Variants in KCNG2 observed in about 807,000 individuals in gnomAD.
The protein encoded by KCNG2 is potassium voltage-gated channel modifier subfamily G member 2.
A neutral mutation model predicts 12.3 loss-of-function variants in KCNG2; 7 were observed. The observed-to-expected ratio is 0.57, with a 90% CI of 0.32 to 1.07. The LOEUF is 1.07. Ranked by LOEUF, KCNG2 falls within the 50% of genes least tolerant of loss-of-function variation. The pLI, the probability that KCNG2 is intolerant of heterozygous loss-of-function variation, is 0.04. For synonymous variants in KCNG2, 414 were observed against 351.4 expected, an observed-to-expected ratio of 1.18 and a Z score of -1.99; for missense variants, 703 against 726.0, an observed-to-expected ratio of 0.97 and a Z score of 0.36.
Position 79,884,764 on chromosome 18 carries a change from G to T in KCNG2, c.625-14276G>T, listed in dbSNP as rs532084220. On this transcript the variant is annotated intron_variant, in intron 3 of 3. Transcript: ENST00000316249. This position sits in a 1 kb window ranked among gnomAD's most constrained non-coding sequence, Gnocchi z 5.5. ...GTCCGCCCGGCTCTGTGTTCCTCGG[G>T]GGGGCTCATCCTGGGGCCCAGGAAC... Among the ~76,000 whole-genome samples the T allele has an allele frequency of 2.1e-4, 32 of 152,344 alleles. No individual in the cohort carries two copies. The Middle Eastern group carries it at 0.014, about 65-fold the overall frequency.
At chr18:79,894,419 T>A (rs79440124) in intron 3 of KCNG2, among the ~76,000 whole-genome samples, 671 of 7,012 alleles carry the variant, frequency 0.096, no homozygotes, top group African/African-American at 0.11. Flanking sequence ...TGCCATTAAT[T>A]ACGATTGATA....
In KCNG2 at chr18:79,800,012, T is replaced by G. The variant is rs937791958; in HGVS notation, c.-115+1998T>G. Among the ~76,000 whole-genome samples, 2 of 152,186 alleles carry G rather than the reference T, an allele frequency of 1.3e-5. No homozygotes were observed. Among genetic ancestry groups the G allele is most frequent in the African/African-American group, 4.8e-5 (2 of 41,442 alleles). ...AATGTCTCGGGAGGATCTGCGCAGC[T>G]TTGTTGTTCTTTTGTCTGATGGTTG... On this transcript the variant is annotated intron_variant, in intron 1 of 3. Coordinates refer to ENST00000316249, the MANE Select transcript of KCNG2 (RefSeq NM_012283.2). This position sits in a 1 kb window ranked among gnomAD's most constrained non-coding sequence, Gnocchi z 4.0.
At chr18:79,870,479 G>A (rs1433542960) in intron 3 of KCNG2, among the ~76,000 whole-genome samples, 1 of 152,166 alleles carries the variant, frequency 6.6e-6, no homozygotes, top group East Asian at 1.9e-4. Context: ...CGTGCCCCCA[G>A]AGCTGCGCGC....
chr18:79,853,818 C>A (rs1266671617), intron 1 of KCNG2, among the ~76,000 whole-genome samples: 1 of 152,240 alleles, frequency 6.6e-6, no homozygotes, highest in African/African-American at 2.4e-5. Context: ...AGATGTGGCT[C>A]CCTCCAGGGC....
intron 1 of KCNG2, among the ~76,000 whole-genome samples, chr18:79,818,192 G>A (rs1459113677): frequency 2.0e-5 from 3 of 152,334 alleles, no homozygotes; most frequent in South Asian, 2.1e-4. Context: ...GAGGCAATGC[G>A]ATCTAATAAG....
At chr18:79,827,939 T>G (rs1393730468) in intron 1 of KCNG2, among the ~76,000 whole-genome samples, 1 of 151,638 alleles carries the variant, frequency 6.6e-6, no homozygotes, top group Non-Finnish European at 1.5e-5. Flanking sequence ...TTTTTTTTTT[T>G]TTGAGATGTA....
At chr18:79,849,049 C>T (rs1359836392) in intron 1 of KCNG2, among the ~76,000 whole-genome samples, 1 of 152,144 alleles carries the variant, frequency 6.6e-6, no homozygotes, top group Non-Finnish European at 1.5e-5. Context: ...CAGGAGAGGC[C>T]TGGGCCCGCG....
Position 79,864,022 on chromosome 18 carries a change from T to C in KCNG2, c.355T>C (p.Cys119Arg). The change falls in exon 3 of 4, where the codon TGC becomes CGC. Residue 119 changes from cysteine to arginine, a missense_variant. Transcript: ENST00000316249. ...GIDEARLERC[C>R]LRRLRRREEE... Reference sequence around the variant, plus strand: ...CGACGAGGCGCGCCTGGAGCGCTGCTGCCTGCGCCGCCTGCGCCGCCGCGA... The same window carrying C: ...CGACGAGGCGCGCCTGGAGCGCTGCCGCCTGCGCCGCCTGCGCCGCCGCGA... 3.4e-6 allele frequency: 4 copies of C among 1,160,444 alleles called. No individual in the cohort carries two copies. The highest frequency in any genetic ancestry group is 8.1e-5 in the East Asian group (2 of 24,686). 71.9% of individuals were successfully genotyped at this position (1,160,444 alleles called of 1,614,324 possible). A position where few individuals can be genotyped will look rare whatever the true frequency, so the allele number is the denominator to read the frequency against.
chr18:79,845,458 A>G (rs1208535132), intron 1 of KCNG2, among the ~76,000 whole-genome samples: 4 of 152,210 alleles, frequency 2.6e-5, no homozygotes, highest in Admixed American at 1.3e-4. Context: ...TTACAACTGC[A>G]TGTGAATCTG....
At chr18:79,880,403 C>G (rs1017464166) in intron 3 of KCNG2, among the ~76,000 whole-genome samples, 1 of 151,238 alleles carries the variant, frequency 6.6e-6, no homozygotes, top group Non-Finnish European at 1.5e-5. Context: ...CCAAAATTCA[C>G]TCAAGAAGAA....
At chr18:79,895,186 C>G (rs1199114705) in intron 3 of KCNG2, among the ~76,000 whole-genome samples, 1 of 150,530 alleles carries the variant, frequency 6.6e-6, no homozygotes, top group Non-Finnish European at 1.5e-5. Flanking sequence ...GGGTTGTTCA[C>G]TCCATTCATA....
chr18:79,885,409 C>T (rs1980486036), intron 3 of KCNG2, among the ~76,000 whole-genome samples: 1 of 152,176 alleles, frequency 6.6e-6, no homozygotes, highest in Admixed American at 6.5e-5. Flanking sequence ...ACGTGCCCGC[C>T]GACCATCCCA....
At position 79,800,762 on chromosome 18, in the gene KCNG2, C is replaced by T. The variant is rs1313658099; in HGVS notation, c.-115+2748C>T. On this transcript the variant is annotated intron_variant, in intron 1 of 3. Transcript: ENST00000316249. This position sits in a 1 kb window ranked among gnomAD's most constrained non-coding sequence, Gnocchi z 4.0. ...CGGCCTGGCGTGTCCTGCGGGCACC[C>T]GCAGGCTCTGCTCACCCACCGGCTG... Among the ~76,000 whole-genome samples, 1 of 152,182 alleles carries T rather than the reference C, an allele frequency of 6.6e-6. No homozygotes were observed. Among genetic ancestry groups the T allele is most frequent in the African/African-American group, 2.4e-5 (1 of 41,442 alleles).
In KCNG2 at chr18:79,822,870, T is replaced by A. The variant is rs1258653556; in HGVS notation, c.-115+24856T>A. On this transcript the variant is annotated intron_variant, in intron 1 of 3. Transcript: ENST00000316249. The surrounding 1 kb of genome is among the most constrained non-coding windows in gnomAD (Gnocchi z 4.4). Reference sequence around the variant, plus strand: ...TTGTCTCCCCACGCTTCCGTGGGGTTGTGGATTCCTTGTGAGGCACCTGGG... The same window carrying A: ...TTGTCTCCCCACGCTTCCGTGGGGTAGTGGATTCCTTGTGAGGCACCTGGG... 1.3e-5 allele frequency among the ~76,000 whole-genome samples: 2 copies of A among 152,192 alleles called. No homozygotes were observed. The highest frequency in any genetic ancestry group is 2.9e-5 in the Non-Finnish European group (2 of 68,028).
chr18:79,897,116 GT>G (rs1333266751), intron 3 of KCNG2, among the ~76,000 whole-genome samples: 1 of 108,056 alleles, frequency 9.3e-6, no homozygotes, highest in Non-Finnish European at 2.1e-5. Context: ...GTAGGTTATT[GT>G]TTTTAAAAAA....
chr18:79,852,642 C>G (rs557600505), intron 1 of KCNG2, among the ~76,000 whole-genome samples: 52 of 152,378 alleles, frequency 3.4e-4, no homozygotes, highest in African/African-American at 8.2e-4. Context: ...GTTGTCCATG[C>G]GGATGGCGGC....
intron 3 of KCNG2, among the ~76,000 whole-genome samples, chr18:79,874,680 C>G (rs1433945912): frequency 6.6e-6 from 1 of 152,224 alleles, no homozygotes; most frequent in African/African-American, 2.4e-5. Context: ...GCTTGGCATG[C>G]TCTGTCCTTG....
At chr18:79,889,913 GT>G (rs1367960986) in intron 3 of KCNG2, among the ~76,000 whole-genome samples, 2 of 152,144 alleles carry the variant, frequency 1.3e-5, no homozygotes, top group African/African-American at 2.4e-5. Context: ...CTTGTTGAGT[GT>G]TTCTGTCATG....
At chr18:79,801,485 G>C (rs537058109) in intron 1 of KCNG2, among the ~76,000 whole-genome samples, 1 of 152,220 alleles carries the variant, frequency 6.6e-6, no homozygotes, top group African/African-American at 2.4e-5. Flanking sequence ...ACCCAGGCCC[G>C]GCAAGGAGGG....
Sources: gnomAD v4.1 joint callset for allele counts (sites outside exome capture counted in the v4.1 genomes callset) on GRCh38, gnomAD v4.1.1 for gene constraint, Gnocchi (gnomAD v3.1) non-coding constraint, MANE v1.5 for transcripts, NCBI Gene and HGNC (gene_info 2026-07-23, HGNC 2026-07-21) for gene names.